Variants in WDFY3 observed in about 807,000 individuals in gnomAD.
The protein encoded by WDFY3 is WD repeat and FYVE domain containing 3.
Under a neutral mutation model 409.6 loss-of-function variants are expected in WDFY3, and 66 were observed. The ratio of observed to expected loss-of-function variants is 0.16; its 90% CI spans 0.13 to 0.20. The LOEUF is 0.20. WDFY3 is among the 10% of genes least tolerant of loss of function. WDFY3 has a pLI of 1.00. For missense variants in WDFY3, 3,031 were observed against 4,298.1 expected, an observed-to-expected ratio of 0.71 and a Z score of 8.24; for synonymous variants, 1,521 against 1,537.1, an observed-to-expected ratio of 0.99 and a Z score of 0.25.
chr4:84,733,711 A>C, intron 43 of WDFY3, 102 bp from the exon 44 acceptor site: 1 of 1,064,832 alleles, frequency 9.4e-7, no homozygotes, highest in Non-Finnish European at 1.4e-6. Context: ...AAACAAACAC[A>C]ATCCACACCA....
Position 84,821,191 on chromosome 4 carries a change from A to G in WDFY3, c.1484T>C (p.Ile495Thr). Residue 495 changes from isoleucine (I) to threonine (T), a missense_variant, in exon 11 of 68, where the codon ATA becomes ACA. Physicochemically the swap from Ile to Thr is moderately conservative, Grantham distance 89. This residue lies in a region of WDFY3 where 1,322 missense variants were observed against 1,697.9 expected (regional missense o/e 0.78). Coordinates refer to ENST00000295888, the MANE Select transcript of WDFY3 (RefSeq NM_014991.6). ...AACCTCCCTGAACACGTCTTTAAAT[A>G]TGTAGTCATGTCTTGTAAACTTAAG... ...TLLKFTRHDY[I>T]FKDVFREVGL... 6.2e-7 allele frequency: 1 copy of G among 1,613,778 alleles called. No homozygotes were observed. The highest frequency in any genetic ancestry group is 8.5e-7 in the Non-Finnish European group (1 of 1,179,822).
chr4:84,709,435 T>C, intron 51 of WDFY3, 88 bp from the exon 52 acceptor site: 1 of 1,172,244 alleles, frequency 8.5e-7, no homozygotes, highest in Non-Finnish European at 1.2e-6. Flanking sequence ...AGTCACCTGG[T>C]CCAGGAATTT....
At chr4:84,687,027 ATC>A (rs1300506714) in intron 62 of WDFY3, among the ~76,000 whole-genome samples, 1 of 152,200 alleles carries the variant, frequency 6.6e-6, no homozygotes, top group East Asian at 1.9e-4. Context: ...TAACTTCTGG[ATC>A]TGTTTTGAAA....
At chr4:84,790,582 T>C (rs998294154) in intron 21 of WDFY3, among the ~76,000 whole-genome samples, 35 of 152,170 alleles carry the variant, frequency 2.3e-4, no homozygotes, top group African/African-American at 8.4e-4. Context: ...AAGAGACTAG[T>C]TGACACCCAA....
intron 30 of WDFY3, among the ~76,000 whole-genome samples, chr4:84,771,464 T>C (rs1410143900): frequency 6.6e-6 from 1 of 152,232 alleles, no homozygotes; most frequent in African/African-American, 2.4e-5. Context: ...TTGAAATAAA[T>C]GCATTACATA....
intron 1 of WDFY3, among the ~76,000 whole-genome samples, chr4:84,963,208 G>C (rs1775147520): frequency 1.3e-5 from 2 of 151,578 alleles, no homozygotes; most frequent in Admixed American, 1.3e-4. Flanking sequence ...CAGACCACTT[G>C]AGCTCAGGAG....
intron 56 of WDFY3, among the ~76,000 whole-genome samples, chr4:84,699,427 T>G (rs964714566): frequency 6.6e-6 from 1 of 152,234 alleles, no homozygotes; most frequent in Non-Finnish European, 1.5e-5. Flanking sequence ...TTTCACTGTA[T>G]GTATATGCTA....
chr4:84,887,770 T>C (rs1764422035), intron 3 of WDFY3, among the ~76,000 whole-genome samples: 1 of 152,220 alleles, frequency 6.6e-6, no homozygotes, highest in Non-Finnish European at 1.5e-5. Context: ...AATCCAGTAC[T>C]CTTTTATTAA....
intron 1 of WDFY3, among the ~76,000 whole-genome samples, chr4:84,964,194 A>G (rs986938740): frequency 3.9e-5 from 6 of 152,224 alleles, no homozygotes; most frequent in Non-Finnish European, 7.3e-5. Context: ...GAAGCAGGGC[A>G]TGGTGGCTCA....
chr4:84,923,861 T>C (rs775490418), intron 2 of WDFY3, among the ~76,000 whole-genome samples: 1 of 152,110 alleles, frequency 6.6e-6, no homozygotes, highest in Non-Finnish European at 1.5e-5. Flanking sequence ...TAGCCAGTTG[T>C]GGTAGTGTGC....
intron 32 of WDFY3, among the ~76,000 whole-genome samples, chr4:84,763,104 T>C (rs1302060519): frequency 2.0e-5 from 3 of 152,154 alleles, no homozygotes; most frequent in African/African-American, 7.2e-5. Context: ...CACATTATTT[T>C]CCCCTATAAT....
chr4:84,735,444 A>G (rs1737283623), intron 42 of WDFY3, among the ~76,000 whole-genome samples: 1 of 152,124 alleles, frequency 6.6e-6, no homozygotes. Flanking sequence ...GAAGACTCAC[A>G]CATTTCAGCT....
rs1235574031 is a variant in WDFY3 at position 84,679,841 on chromosome 4, T to TATAC, written c.9824-600_9824-599insGTAT. ...TTCTTCATATATATATATATATATA[T>TATAC]ACACACACACACACACACACACACG... On this transcript the variant is annotated intron_variant, in intron 64 of 67. Transcript: ENST00000295888. 5.2e-3 allele frequency among the ~76,000 whole-genome samples: 735 copies of TATAC among 141,276 alleles called. 8 individuals carry two copies. Among genetic ancestry groups the TATAC allele is most frequent in the African/African-American group, 0.018 (671 of 37,858 alleles). The allele number at this position is 141,276 out of a possible 152,430, so 92.7% of individuals were successfully genotyped here. A position where few individuals can be genotyped will look rare whatever the true frequency, so the allele number is the denominator to read the frequency against.
rs1372885621 is a variant in WDFY3, at chr4:84,684,114, C to T, written c.9555G>A (p.Val3185=). Residue 3185 remains valine, a synonymous_variant, in exon 63 of 68, where the codon GTG becomes GTA. Coordinates refer to ENST00000295888, the MANE Select transcript of WDFY3 (RefSeq NM_014991.6). ...LCINELTGDI[V]SCAGTYIHVW... is the part of the protein sequence containing the mutation. ...CATGGATATATGTGCCAGCGCAGGA[C>T]ACAATGTCCCCCTGAGAAGAGAGAG... The T allele has an allele frequency of 2.5e-6, 4 of 1,581,146 alleles. No individual in the cohort carries two copies. The African/African-American group carries it at 4.0e-5, about 16-fold the overall frequency.
chr4:84,892,233 C>CAT (rs1419581977), intron 3 of WDFY3, among the ~76,000 whole-genome samples: 25 of 151,546 alleles, frequency 1.6e-4, no homozygotes, highest in African/African-American at 2.4e-4. Context: ...TCCTCCATTA[C>CAT]ATATATATAT....
intron 44 of WDFY3, among the ~76,000 whole-genome samples, chr4:84,730,877 C>T (rs1196983728): frequency 1.3e-5 from 2 of 151,906 alleles, no homozygotes; most frequent in African/African-American, 2.4e-5. Flanking sequence ...CTCGGCTCAC[C>T]GCAACCTCCA....
rs568123936 is a variant in WDFY3, at chr4:84,742,357, C to T, written c.6074-436G>A. On this transcript the variant is annotated intron_variant, in intron 37 of 67. Transcript: ENST00000295888. ...GTGAAGTAACACAGACAGAAGAGAG[C>T]TTCAAGAAAACTGTGAAAAATAAAG... Among the ~76,000 whole-genome samples, 42 of 152,300 alleles carry T rather than the reference C, an allele frequency of 2.8e-4. No individual in the cohort carries two copies. The South Asian group carries it at 8.5e-3, about 31-fold the overall frequency.
intron 4 of WDFY3, 28 bp from the exon 5 acceptor site, chr4:84,850,053 G>A (rs370689990): frequency 6.5e-7 from 1 of 1,545,976 alleles, no homozygotes; most frequent in African/African-American, 1.4e-5. Flanking sequence ...CATTGTTAAT[G>A]AAGCACTGAC....
chr4:84,863,845 G>C (rs1220932273), intron 3 of WDFY3, among the ~76,000 whole-genome samples: 2 of 152,124 alleles, frequency 1.3e-5, no homozygotes, highest in Non-Finnish European at 2.9e-5. Flanking sequence ...AAGATCAGCT[G>C]ACTGTAAATG....
Sources: gnomAD v4.1 joint callset for allele counts (sites outside exome capture counted in the v4.1 genomes callset) on GRCh38, gnomAD v4.1.1 for gene constraint, gnomAD v4.1.1 regional missense constraint, MANE v1.5 for transcripts, NCBI Gene and HGNC (gene_info 2026-07-23, HGNC 2026-07-21) for gene names.